The following FAM131B variants were observed in gnomAD, a reference collection of about 807,000 sequenced individuals.
FAM131B encodes family with sequence similarity 131 member B.
A neutral mutation model predicts 42.0 loss-of-function variants in FAM131B; 19 were observed. The ratio of observed to expected loss-of-function variants is 0.45; its 90% CI spans 0.32 to 0.66. The LOEUF (loss-of-function observed/expected upper bound fraction) is 0.66. Among genes scored for constraint, FAM131B ranks in the 30% least tolerant of loss-of-function variants. The pLI, the probability that FAM131B is intolerant of heterozygous loss-of-function variation, is 0.05. For synonymous variants in FAM131B, 183 were observed against 177.6 expected (o/e 1.03, Z -0.24); for missense variants, 370 against 468.4 (o/e 0.79, Z 1.94).
chr7:143,362,282 C>G lies in FAM131B; in HGVS notation c.28+294G>C, dbSNP rs1303168776. Among the ~76,000 whole-genome samples, 1 of 151,916 alleles carries G rather than the reference C, an allele frequency of 6.6e-6. No homozygotes were observed. Among genetic ancestry groups the G allele is most frequent in the Non-Finnish European group, 1.5e-5 (1 of 67,952 alleles). On this transcript the variant is annotated intron_variant, in intron 1 of 6. Coordinates refer to ENST00000443739, the MANE Select transcript of FAM131B (RefSeq NM_001031690.3). The surrounding 1 kb of genome is among the most constrained non-coding windows in gnomAD (Gnocchi z 7.7). ...GGGATGAGGGGACCGAGCGTCGGGC[C>G]GAGAGGCAGAGGAGAGGAGGGCGAT...
chr7:143,362,070 G>C lies in FAM131B; in HGVS notation c.28+506C>G. The C allele has an allele frequency of 1.0e-6, 1 of 983,382 alleles. No homozygotes were observed. Among genetic ancestry groups the C allele is most frequent in the Non-Finnish European group, 1.2e-6 (1 of 827,910 alleles). The allele number at this position is 983,382 out of a possible 1,614,324, so 60.9% of individuals were successfully genotyped here. Reference sequence around the variant, plus strand: ...ACGACAGTAAAAGGCAACGGAGAGGGAGAGAGAGATGGGGCAAAGCACCCG... The same window carrying C: ...ACGACAGTAAAAGGCAACGGAGAGGCAGAGAGAGATGGGGCAAAGCACCCG... On this transcript the variant is annotated intron_variant, in intron 1 of 6. Transcript: ENST00000443739. The surrounding 1 kb of genome is among the most constrained non-coding windows in gnomAD (Gnocchi z 7.7).
the FAM131B span, among the ~76,000 whole-genome samples, chr7:143,376,139 G>A: frequency 2.0e-5 from 3 of 152,120 alleles, no homozygotes; most frequent in Admixed American, 6.6e-5. Context: ...CCCTGGTCCT[G>A]GAATCCTCAC....
In FAM131B at chr7:143,359,199, C is replaced by A; in HGVS notation, c.268+127G>T. The A allele has an allele frequency of 9.8e-7, 1 of 1,018,206 alleles. No homozygotes were observed. The highest frequency in any genetic ancestry group is 1.6e-5 in the African/African-American group (1 of 63,148). 63.1% of individuals were successfully genotyped at this position (1,018,206 alleles called of 1,614,324 possible). On this transcript the variant is annotated intron_variant, in intron 4 of 6. Coordinates refer to ENST00000443739, the MANE Select transcript of FAM131B (RefSeq NM_001031690.3). This position sits in a 1 kb window ranked among gnomAD's most constrained non-coding sequence, Gnocchi z 5.4. ...ATGGCCTGGAGGATGGGAGGCTTGA[C>A]AGAAGGGTGAATAGGTCAGGGGGTG... is the stretch of plus-strand genomic sequence containing the variant.
At chr7:143,372,139 AG>A in the FAM131B span, among the ~76,000 whole-genome samples, 2 of 152,188 alleles carry the variant, frequency 1.3e-5, no homozygotes, top group Admixed American at 6.5e-5. Flanking sequence ...GGACGTAGAA[AG>A]GTCAGATGGC....
rs937490763 is a variant in FAM131B at position 143,362,641 on chromosome 7, G to C, written c.-38C>G. ...CGCAGAGCCGGGCCCTCACCGACTC[G>C]GGGCGCGCGCCGGGGGGAGCACCGG... On this transcript the variant is annotated 5_prime_UTR_variant, in exon 1 of 7. Coordinates refer to ENST00000443739, the MANE Select transcript of FAM131B (RefSeq NM_001031690.3). This position sits in a 1 kb window ranked among gnomAD's most constrained non-coding sequence, Gnocchi z 7.7. 5.9e-6 allele frequency: 7 copies of C among 1,191,424 alleles called. No homozygotes were observed. Among genetic ancestry groups the C allele is most frequent in the African/African-American group, 3.2e-5 (2 of 62,864 alleles). The allele number at this position is 1,191,424 out of a possible 1,614,324, so 73.8% of individuals were successfully genotyped here.
chr7:143,373,576 G>A, the FAM131B span, among the ~76,000 whole-genome samples: 1 of 152,172 alleles, frequency 6.6e-6, no homozygotes, highest in Non-Finnish European at 1.5e-5. Flanking sequence ...CCACCTGGTG[G>A]GGGGCGCTGA....
In FAM131B at chr7:143,356,904, C is replaced by G. The variant is rs61731352; in HGVS notation, c.729G>C (p.Pro243=). The change falls in exon 7 of 7, where the codon CCG becomes CCC. Residue 243 remains proline (P), a synonymous_variant. Coordinates refer to ENST00000443739, the MANE Select transcript of FAM131B (RefSeq NM_001031690.3). The surrounding 1 kb of genome is among the most constrained non-coding windows in gnomAD (Gnocchi z 4.4). Reference sequence around the variant, plus strand: ...CAGGCCCAAGATAGGATCCTGTGGCCGGAGAGGCAATGAGGGACTGATCGC... The same window carrying G: ...CAGGCCCAAGATAGGATCCTGTGGCGGGAGAGGCAATGAGGGACTGATCGC... ...EASDQSLIAS[P]ATGSYLGPAF... is the part of the protein sequence containing the mutation. The G allele has an allele frequency of 1.2e-6, 2 of 1,614,076 alleles. No individual in the cohort carries two copies. Among genetic ancestry groups the G allele is most frequent in the South Asian group, 2.2e-5 (2 of 91,084 alleles).
rs1019958041 is a variant in FAM131B, at chr7:143,354,304, G to C, written c.*2246C>G. 6.6e-6 allele frequency: 1 copy of C among 152,236 alleles called. No individual in the cohort carries two copies. Among genetic ancestry groups the C allele is most frequent in the African/African-American group, 2.4e-5 (1 of 41,442 alleles). The allele number at this position is 152,236 out of a possible 1,614,324, so 9.4% of individuals were successfully genotyped here. ...CATTTGGCTTCCTTGGGAAAGGGAA[G>C]GAGGAACGAAAGCTGCTGTGGTCTA... On this transcript the variant is annotated 3_prime_UTR_variant, in exon 7 of 7. Transcript: ENST00000443739.
chr7:143,358,754 A>T lies in FAM131B; in HGVS notation c.466+73T>A, dbSNP rs565801561. 8.4e-7 allele frequency: 1 copy of T among 1,192,066 alleles called. No individual in the cohort carries two copies. The highest frequency in any genetic ancestry group is 1.2e-6 in the Non-Finnish European group (1 of 814,556). 73.8% of individuals were successfully genotyped at this position (1,192,066 alleles called of 1,614,324 possible). A position where few individuals can be genotyped will look rare whatever the true frequency, so the allele number is the denominator to read the frequency against. On this transcript the variant is annotated intron_variant, in intron 5 of 6. Coordinates refer to ENST00000443739, the MANE Select transcript of FAM131B (RefSeq NM_001031690.3). This position sits in a 1 kb window ranked among gnomAD's most constrained non-coding sequence, Gnocchi z 4.7. ...GTATGGATGGAGCTAATCCTGCCAC[A>T]GGGGATCAGGTTGGAGGGTCGGTCC...
chr7:143,364,673 A>G (rs890724498), upstream of FAM131B, among the ~76,000 whole-genome samples: 15 of 152,070 alleles, frequency 9.9e-5, no homozygotes, highest in South Asian at 2.1e-4. Flanking sequence ...ACCCACACAA[A>G]AAAAGTAAAA....
rs753493261 is a variant in FAM131B at position 143,356,503 on chromosome 7, C to T, written c.*47G>A. ...GGGGGAGGGAGGGTATGGGTCACAGCCATGGCCCTCAGGTGGGAGTGGAAG... is the reference window on the plus strand; with the variant it reads ...GGGGGAGGGAGGGTATGGGTCACAGTCATGGCCCTCAGGTGGGAGTGGAAG... On this transcript the variant is annotated 3_prime_UTR_variant, in exon 7 of 7. Coordinates refer to ENST00000443739, the MANE Select transcript of FAM131B (RefSeq NM_001031690.3). The surrounding 1 kb of genome is among the most constrained non-coding windows in gnomAD (Gnocchi z 4.4). The T allele has an allele frequency of 1.4e-6, 2 of 1,442,068 alleles. No individual in the cohort carries two copies. Among genetic ancestry groups the T allele is most frequent in the South Asian group, 2.4e-5 (2 of 83,544 alleles). The allele number at this position is 1,442,068 out of a possible 1,614,324, so 89.3% of individuals were successfully genotyped here.
chr7:143,365,317 C>T (rs1039939809), upstream of FAM131B, among the ~76,000 whole-genome samples: 1 of 152,124 alleles, frequency 6.6e-6, no homozygotes, highest in East Asian at 1.9e-4. Flanking sequence ...ATGAGGGATT[C>T]CCATCTGACG....
upstream of FAM131B, among the ~76,000 whole-genome samples, chr7:143,367,452 AT>A (rs1173459314): frequency 1.3e-5 from 2 of 152,146 alleles, no homozygotes; most frequent in African/African-American, 4.8e-5. Flanking sequence ...CACACCTGTA[AT>A]TTCAGTACTC....
chr7:143,380,082 A>C, the FAM131B span: 1 of 985,494 alleles, frequency 1.0e-6, no homozygotes, highest in South Asian at 4.7e-5. This position sits in a 1 kb window ranked among gnomAD's most constrained non-coding sequence, Gnocchi z 5.0. Context: ...AGTGTGAACA[A>C]GACGAAGGCC....
the FAM131B span, chr7:143,381,317 C>A: frequency 8.9e-7 from 1 of 1,121,814 alleles, no homozygotes; most frequent in African/African-American, 1.6e-5. Context: ...CCCTCCCCGC[C>A]CGGCTGGAGG....
Position 143,356,914 on chromosome 7 carries a change from A to G in FAM131B, c.719T>C (p.Ile240Thr). 3 of 1,614,084 alleles carry G rather than the reference A, an allele frequency of 1.9e-6. No individual in the cohort carries two copies. Among genetic ancestry groups the G allele is most frequent in the Non-Finnish European group, 2.5e-6 (3 of 1,180,010 alleles). The stretch of plus-strand genomic sequence containing the variant: ...ATAGGATCCTGTGGCCGGAGAGGCA[A>G]TGAGGGACTGATCGCTGGCTTCCCA... ...DAWEASDQSL[I>T]ASPATGSYLG... Residue 240 changes from isoleucine (I) to threonine (T), a missense_variant, in exon 7 of 7, where the codon ATT becomes ACT. By Grantham distance (89) the Ile-to-Thr change is moderately conservative. Coordinates refer to ENST00000443739, the MANE Select transcript of FAM131B (RefSeq NM_001031690.3). The surrounding 1 kb of genome is among the most constrained non-coding windows in gnomAD (Gnocchi z 4.4).
At chr7:143,375,804 G>A in the FAM131B span, among the ~76,000 whole-genome samples, 1 of 152,224 alleles carries the variant, frequency 6.6e-6, no homozygotes, top group Admixed American at 6.5e-5. Flanking sequence ...CAGGCTCTCT[G>A]ATTTTGGCTT....
At chr7:143,373,819 C>G in the FAM131B span, among the ~76,000 whole-genome samples, 1 of 152,160 alleles carries the variant, frequency 6.6e-6, no homozygotes, top group South Asian at 2.1e-4. Flanking sequence ...ATAAAATTAG[C>G]TCTGGTGGTC....
chr7:143,359,462 T>C lies in FAM131B; in HGVS notation c.175-43A>G, dbSNP rs1428391045. The C allele has an allele frequency of 2.0e-6, 3 of 1,467,430 alleles. No homozygotes were observed. Among genetic ancestry groups the C allele is most frequent in the East Asian group, 2.3e-5 (1 of 44,088 alleles). The allele number at this position is 1,467,430 out of a possible 1,614,324, so 90.9% of individuals were successfully genotyped here. On this transcript the variant is annotated intron_variant, in intron 3 of 6. Coordinates refer to ENST00000443739, the MANE Select transcript of FAM131B (RefSeq NM_001031690.3). The surrounding 1 kb of genome is among the most constrained non-coding windows in gnomAD (Gnocchi z 5.4). The stretch of plus-strand genomic sequence containing the variant: ...GAGGAAGGGCAGAGGAATAAGAAGG[T>C]ACGGGCGTGCTTTATACATGGAGGA...
Sources: gnomAD v4.1 joint callset for allele counts (sites outside exome capture counted in the v4.1 genomes callset) on GRCh38, gnomAD v4.1.1 for gene constraint, Gnocchi (gnomAD v3.1) non-coding constraint, MANE v1.5 for transcripts, NCBI Gene and HGNC (gene_info 2026-07-23, HGNC 2026-07-21) for gene names.